Variants in COMMD1 observed in about 807,000 individuals in gnomAD.
COMMD1 encodes copper metabolism domain containing 1, also known as COMM domain-containing protein 1.
COMMD1 carries 10 observed loss-of-function variants against 17.2 expected under a neutral mutation model. That is an observed-to-expected ratio of 0.58 (90% CI 0.36 to 0.99). The LOEUF is 0.99. Among genes scored for constraint, COMMD1 ranks in the 50% least tolerant of loss-of-function variants. The pLI is 0.01. For missense variants in COMMD1, 270 were observed against 231.8 expected, an observed-to-expected ratio of 1.17 and a Z score of -1.07; for synonymous variants, 97 against 91.6, an observed-to-expected ratio of 1.06 and a Z score of -0.34.
At chr2:61,898,049 C>T (rs1669587532) in intron 1 of COMMD1, among the ~76,000 whole-genome samples, 1 of 152,182 alleles carries the variant, frequency 6.6e-6, no homozygotes, top group South Asian at 2.1e-4. Context: ...GTAATAACAA[C>T]TCAGTCCATT....
At chr2:62,086,543 G>C (rs1196063599) in intron 2 of COMMD1, among the ~76,000 whole-genome samples, 1 of 151,628 alleles carries the variant, frequency 6.6e-6, no homozygotes, top group Non-Finnish European at 1.5e-5. Context: ...TTCTGTTTCT[G>C]TTAGTGCCTT....
intron 2 of COMMD1, among the ~76,000 whole-genome samples, chr2:62,128,599 ACCTC>A (rs1430932775): frequency 6.6e-6 from 1 of 151,874 alleles, no homozygotes; most frequent in African/African-American, 2.4e-5. Flanking sequence ...TCTTCTGCCT[ACCTC>A]CCTCCCTCCC....
intron 1 of COMMD1, among the ~76,000 whole-genome samples, chr2:61,979,248 G>A (rs1671889005): frequency 6.6e-6 from 1 of 152,106 alleles, no homozygotes; most frequent in African/African-American, 2.4e-5. Context: ...GGAGGCTGAG[G>A]CGGGTGGATC....
chr2:61,955,706 A>G (rs988793454), intron 1 of COMMD1, among the ~76,000 whole-genome samples: 4 of 151,684 alleles, frequency 2.6e-5, no homozygotes, highest in African/African-American at 9.7e-5. Flanking sequence ...TTTTTTTGAG[A>G]TGGAGTTTTG....
chr2:62,067,289 C>T (rs1258780171), intron 2 of COMMD1, among the ~76,000 whole-genome samples: 5 of 151,150 alleles, frequency 3.3e-5, no homozygotes, highest in South Asian at 2.1e-4. Context: ...GAAAAAAGTA[C>T]GGAACTTGGT....
intron 1 of COMMD1, among the ~76,000 whole-genome samples, chr2:61,929,861 C>G (rs1670418505): frequency 6.6e-6 from 1 of 151,846 alleles, no homozygotes; most frequent in South Asian, 2.1e-4. Context: ...GAGGACAAGG[C>G]TGTAGTGAGC....
chr2:61,890,447 G>A (rs1000631263), intron 1 of COMMD1, among the ~76,000 whole-genome samples: 1 of 152,048 alleles, frequency 6.6e-6, no homozygotes, highest in African/African-American at 2.4e-5. Flanking sequence ...TCGAACTCCC[G>A]AGCTCAGGTG....
chr2:61,943,028 T>C (rs13390560), intron 1 of COMMD1, among the ~76,000 whole-genome samples: 17,540 of 152,138 alleles, frequency 0.12, 2,399 homozygotes, highest in African/African-American at 0.33. Context: ...CAAACAATAG[T>C]AAAAAGAAAC....
At chr2:62,032,783 T>C (rs1669944395) in intron 2 of COMMD1, among the ~76,000 whole-genome samples, 1 of 152,150 alleles carries the variant, frequency 6.6e-6, no homozygotes, top group Non-Finnish European at 1.5e-5. Flanking sequence ...CATTCATTAT[T>C]TTTTTGAGAC....
At chr2:62,091,710 C>T (rs912858738) in intron 2 of COMMD1, among the ~76,000 whole-genome samples, 25 of 152,098 alleles carry the variant, frequency 1.6e-4, no homozygotes, top group Admixed American at 1.6e-3. Context: ...GCCACAAGCA[C>T]GGGGCTGGTG....
chr2:61,932,202 G>T (rs2105210000), intron 1 of COMMD1, among the ~76,000 whole-genome samples: 3 of 152,322 alleles, frequency 2.0e-5, no homozygotes, highest in Middle Eastern at 6.8e-3. Flanking sequence ...TTCTCTAACA[G>T]TAATGTCTAA....
chr2:61,949,997 A>G (rs930628637), intron 1 of COMMD1, among the ~76,000 whole-genome samples: 1 of 152,218 alleles, frequency 6.6e-6, no homozygotes, highest in Non-Finnish European at 1.5e-5. Context: ...CAAACAGGAC[A>G]CTATGGCTAT....
At chr2:61,972,585 G>C (rs181188028) in intron 1 of COMMD1, among the ~76,000 whole-genome samples, 1 of 152,160 alleles carries the variant, frequency 6.6e-6, no homozygotes, top group African/African-American at 2.4e-5. Context: ...CATGTTGATA[G>C]CACATACCCT....
intron 2 of COMMD1, among the ~76,000 whole-genome samples, chr2:62,117,631 T>C (rs1200057265): frequency 1.3e-5 from 2 of 152,242 alleles, no homozygotes; most frequent in Non-Finnish European, 2.9e-5. Flanking sequence ...AAATAACACA[T>C]GTACAGCACT....
intron 2 of COMMD1, among the ~76,000 whole-genome samples, chr2:62,100,966 T>C (rs972514287): frequency 2.0e-5 from 3 of 152,130 alleles, no homozygotes; most frequent in Admixed American, 6.5e-5. Flanking sequence ...GCCTGTCTTA[T>C]AATGTTATGC....
At chr2:61,890,891 A>G (rs1450942578) in intron 1 of COMMD1, among the ~76,000 whole-genome samples, 1 of 151,512 alleles carries the variant, frequency 6.6e-6, no homozygotes, top group Non-Finnish European at 1.5e-5. Flanking sequence ...TAAACCTCTG[A>G]GGCCGACTTC....
chr2:62,096,249 A>G (rs1030914699), intron 2 of COMMD1, among the ~76,000 whole-genome samples: 1 of 152,162 alleles, frequency 6.6e-6, no homozygotes, highest in Non-Finnish European at 1.5e-5. Flanking sequence ...ATTGACTGTT[A>G]CTCTTCTCCA....
chr2:62,132,095 G>C (rs936368115), intron 2 of COMMD1, among the ~76,000 whole-genome samples: 3 of 150,796 alleles, frequency 2.0e-5, no homozygotes, highest in African/African-American at 7.3e-5. Context: ...CACCATGTTG[G>C]TCAGGCTAGT....
intron 1 of COMMD1, among the ~76,000 whole-genome samples, chr2:61,999,042 G>A (rs1474114174): frequency 3.3e-5 from 5 of 152,160 alleles, no homozygotes; most frequent in Non-Finnish European, 7.3e-5. Flanking sequence ...TTTTCAAAAT[G>A]TGACACAGAG....
Sources: allele counts gnomAD v4.1 joint callset (sites outside exome capture counted in the v4.1 genomes callset), GRCh38; gene constraint gnomAD v4.1.1; transcripts MANE v1.5; gene names NCBI Gene and HGNC (gene_info 2026-07-23, HGNC 2026-07-21).